SLC38A1: variants seen among roughly 807,000 people sequenced by gnomAD.
SLC38A1 encodes the protein sodium-coupled neutral amino acid symporter 1.
A neutral mutation model predicts 60.3 loss-of-function variants in SLC38A1; 18 were observed. The observed-to-expected ratio is 0.30, with a 90% CI of 0.21 to 0.44. SLC38A1 has a LOEUF of 0.44. Among genes scored for constraint, SLC38A1 ranks in the 20% least tolerant of loss-of-function variants. The pLI, the probability that SLC38A1 is intolerant of heterozygous loss-of-function variation, is 1.00. For synonymous variants in SLC38A1, 196 were observed against 212.1 expected, an observed-to-expected ratio of 0.92 and a Z score of 0.66; for missense variants, 448 against 587.2, an observed-to-expected ratio of 0.76 and a Z score of 2.45.
intron 1 of SLC38A1, among the ~76,000 whole-genome samples, chr12:46,256,036 A>G (rs1942008174): frequency 6.6e-6 from 1 of 151,804 alleles, no homozygotes; most frequent in South Asian, 2.1e-4. Context: ...GCATGGTGGC[A>G]GGCGCCTGTA....
In SLC38A1 at chr12:46,262,584, G is replaced by T. The variant is rs56759172; in HGVS notation, c.-209+5942C>A. ...CTCTTTATTTGCATATATGTTTTTT[G>T]TTCTAAAGATATTTCTGATCAAGGA... On this transcript the variant is annotated intron_variant, in intron 1 of 16. Coordinates refer to ENST00000398637, the MANE Select transcript of SLC38A1 (RefSeq NM_030674.4). Among the ~76,000 whole-genome samples the T allele has an allele frequency of 1.5e-3, 232 of 152,188 alleles. 1 individual carries two copies. The highest frequency in any genetic ancestry group is 5.1e-3 in the African/African-American group (213 of 41,528).
chr12:46,251,169 A>G (rs1346687750), intron 1 of SLC38A1, among the ~76,000 whole-genome samples: 2 of 152,206 alleles, frequency 1.3e-5, no homozygotes, highest in African/African-American at 4.8e-5. Flanking sequence ...GGAACAGAAC[A>G]GAGGCCTCAG....
At chr12:46,201,931 G>A (rs1212637162) in intron 12 of SLC38A1, among the ~76,000 whole-genome samples, 1 of 151,098 alleles carries the variant, frequency 6.6e-6, no homozygotes, top group Non-Finnish European at 1.5e-5. Flanking sequence ...GGTGGCTCAC[G>A]CCTATAATCC....
chr12:46,199,649 G>A (rs961748978), intron 13 of SLC38A1, among the ~76,000 whole-genome samples: 2 of 151,818 alleles, frequency 1.3e-5, no homozygotes, highest in East Asian at 1.9e-4. Context: ...GCAAGCCACC[G>A]TACCTGGCCT....
At chr12:46,224,842 A>G (rs1940803596) in intron 5 of SLC38A1, among the ~76,000 whole-genome samples, 1 of 152,192 alleles carries the variant, frequency 6.6e-6, no homozygotes, top group Non-Finnish European at 1.5e-5. Flanking sequence ...TCTTACAAAT[A>G]ACTAAATGAT....
intron 6 of SLC38A1, among the ~76,000 whole-genome samples, chr12:46,208,300 A>T (rs929991382): frequency 6.6e-6 from 1 of 152,230 alleles, no homozygotes; most frequent in Non-Finnish European, 1.5e-5. Context: ...TCACTTTTTA[A>T]AAAGTGTTTA....
At chr12:46,190,242 C>T (rs1465433281) in intron 16 of SLC38A1, among the ~76,000 whole-genome samples, 1 of 152,146 alleles carries the variant, frequency 6.6e-6, no homozygotes, top group Non-Finnish European at 1.5e-5. Context: ...CTAGCTTCAT[C>T]CATGTCCCTG....
At chr12:46,221,822 G>A (rs1940671426) in intron 5 of SLC38A1, among the ~76,000 whole-genome samples, 1 of 152,174 alleles carries the variant, frequency 6.6e-6, no homozygotes, top group Non-Finnish European at 1.5e-5. Flanking sequence ...AGATACAAAT[G>A]ACACTGAAAA....
intron 16 of SLC38A1, chr12:46,195,853 C>A (rs1226925518): frequency 6.3e-6 from 2 of 318,674 alleles, no homozygotes; most frequent in South Asian, 5.8e-5. Context: ...CAGTTACAGT[C>A]TGTCATGGCT....
At chr12:46,245,480 T>A (rs1390397299) in intron 1 of SLC38A1, among the ~76,000 whole-genome samples, 1 of 152,206 alleles carries the variant, frequency 6.6e-6, no homozygotes, top group African/African-American at 2.4e-5. Context: ...GGCAAGGGTA[T>A]GGAGAAAAGG....
At chr12:46,245,584 C>A (rs1053909346) in intron 1 of SLC38A1, among the ~76,000 whole-genome samples, 1 of 152,160 alleles carries the variant, frequency 6.6e-6, no homozygotes, top group Non-Finnish European at 1.5e-5. Flanking sequence ...TAGAACTTTA[C>A]TGTTTCATAT....
intron 1 of SLC38A1, among the ~76,000 whole-genome samples, chr12:46,259,377 A>T (rs189939874): frequency 2.6e-4 from 39 of 152,328 alleles, no homozygotes; most frequent in Non-Finnish European, 5.1e-4. Flanking sequence ...CTAAATGGTG[A>T]GGTATCCATA....
At chr12:46,240,990 C>T (rs1941425891) in intron 2 of SLC38A1, among the ~76,000 whole-genome samples, 2 of 152,080 alleles carry the variant, frequency 1.3e-5, no homozygotes, top group South Asian at 4.1e-4. Flanking sequence ...TTGTCTATGG[C>T]CATGCCACCC....
intron 1 of SLC38A1, among the ~76,000 whole-genome samples, chr12:46,243,945 C>T (rs562547207): frequency 4.9e-4 from 74 of 152,192 alleles, no homozygotes; most frequent in African/African-American, 1.6e-3. Context: ...TACTGCATGG[C>T]GTTATAGATC....
intron 8 of SLC38A1, among the ~76,000 whole-genome samples, chr12:46,206,450 A>G (rs1453777294): frequency 1.3e-5 from 2 of 152,052 alleles, no homozygotes; most frequent in African/African-American, 2.4e-5. Flanking sequence ...AGCTGAATGC[A>G]CACATTTCAT....
chr12:46,197,112 T>C (rs575983738), intron 16 of SLC38A1, among the ~76,000 whole-genome samples: 37 of 152,220 alleles, frequency 2.4e-4, no homozygotes, highest in Non-Finnish European at 4.4e-4. Flanking sequence ...CTAGACACTG[T>C]CCTATAGAGA....
chr12:46,246,026 G>C lies in SLC38A1; in HGVS notation c.-208-2712C>G, dbSNP rs566156151. ...TAAAAAATATTATTTCTTGATCTCT[G>C]TCACGGTCCGTTCAAAGAGGGCCAA... On this transcript the variant is annotated intron_variant, in intron 1 of 16. Transcript: ENST00000398637. 2.0e-5 allele frequency among the ~76,000 whole-genome samples: 3 copies of C among 152,242 alleles called. No individual in the cohort carries two copies. The East Asian group carries it at 5.8e-4, about 29-fold the overall frequency.
chr12:46,244,192 C>T (rs1003710006), intron 1 of SLC38A1, among the ~76,000 whole-genome samples: 10 of 152,094 alleles, frequency 6.6e-5, no homozygotes, highest in South Asian at 2.1e-4. Flanking sequence ...GAAAGTAGAA[C>T]GGTGGAGAAA....
chr12:46,234,311 A>G (rs1309736756), intron 3 of SLC38A1, among the ~76,000 whole-genome samples: 1 of 152,236 alleles, frequency 6.6e-6, no homozygotes, highest in African/African-American at 2.4e-5. Context: ...ATTAGGGAGT[A>G]GCTTAAGCTG....
Sources: gnomAD v4.1 joint callset for allele counts (sites outside exome capture counted in the v4.1 genomes callset) on GRCh38, gnomAD v4.1.1 for gene constraint, MANE v1.5 for transcripts, NCBI Gene and HGNC (gene_info 2026-07-23, HGNC 2026-07-21) for gene names.